Variants in DLG1 observed in about 807,000 individuals in gnomAD.
DLG1 encodes discs large MAGUK scaffold protein 1.
DLG1 carries 42 observed loss-of-function variants against 123.4 expected under a neutral mutation model. The observed-to-expected ratio is 0.34, with a 90% CI of 0.27 to 0.44. The LOEUF is 0.44. Ranked by LOEUF, DLG1 falls within the 20% of genes least tolerant of loss-of-function variation. The pLI is 1.00. For synonymous variants in DLG1, 317 were observed against 356.2 expected (o/e 0.89, Z 1.24); for missense variants, 942 against 1,082.6 (o/e 0.87, Z 1.82).
chr3:197,111,726 A>G (rs1049401377), intron 13 of DLG1, among the ~76,000 whole-genome samples: 1 of 152,366 alleles, frequency 6.6e-6, no homozygotes, highest in Admixed American at 6.5e-5. Flanking sequence ...TCTGACTTAC[A>G]GCACCACAAG....
intron 4 of DLG1, among the ~76,000 whole-genome samples, chr3:197,197,302 GTC>G (rs1415701846): frequency 1.3e-5 from 2 of 152,196 alleles, no homozygotes; most frequent in African/African-American, 4.8e-5. Context: ...TATAATACCT[GTC>G]TCTCTTTTTG....
At chr3:197,152,237 G>T (rs958653647) in intron 5 of DLG1, among the ~76,000 whole-genome samples, 1 of 152,062 alleles carries the variant, frequency 6.6e-6, no homozygotes, top group African/African-American at 2.4e-5. Flanking sequence ...GTAGAGGGAG[G>T]TATAGAGAGA....
At chr3:197,141,137 G>A (rs978863816) in intron 7 of DLG1, among the ~76,000 whole-genome samples, 1 of 152,052 alleles carries the variant, frequency 6.6e-6, no homozygotes, top group Admixed American at 6.6e-5. Flanking sequence ...TTAACTGTTA[G>A]TATTAAACAG....
At chr3:197,214,280 G>C (rs1340909763) in intron 4 of DLG1, among the ~76,000 whole-genome samples, 2 of 152,138 alleles carry the variant, frequency 1.3e-5, no homozygotes, top group East Asian at 1.9e-4. Flanking sequence ...CCTACCGTTG[G>C]AATGGTGAAG....
intron 14 of DLG1, among the ~76,000 whole-genome samples, chr3:197,102,054 G>A (rs1353683746): frequency 6.6e-6 from 1 of 152,164 alleles, no homozygotes; most frequent in Non-Finnish European, 1.5e-5. Flanking sequence ...ACCACGTCCA[G>A]CTAATTTCTG....
intron 4 of DLG1, among the ~76,000 whole-genome samples, chr3:197,258,675 GCTCT>G (rs948515456): frequency 7.6e-4 from 115 of 152,186 alleles, no homozygotes; most frequent in African/African-American, 2.7e-3. Context: ...GAATCACAAA[GCTCT>G]CTAAGACCAG....
chr3:197,079,376 G>A (rs1749415993), intron 17 of DLG1, among the ~76,000 whole-genome samples: 1 of 152,152 alleles, frequency 6.6e-6, no homozygotes, highest in African/African-American at 2.4e-5. Flanking sequence ...AGGAAAGGAG[G>A]AGAAGTAGGA....
At chr3:197,223,557 G>A (rs1208945966) in intron 4 of DLG1, among the ~76,000 whole-genome samples, 1 of 152,192 alleles carries the variant, frequency 6.6e-6, no homozygotes, top group African/African-American at 2.4e-5. Context: ...AGTTTTAAAT[G>A]TGATTTGGAA....
chr3:197,214,967 G>A (rs866425296), intron 4 of DLG1, among the ~76,000 whole-genome samples: 1 of 152,156 alleles, frequency 6.6e-6, no homozygotes, highest in Non-Finnish European at 1.5e-5. Context: ...TTTGATGAAG[G>A]TGTGGGAAAA....
rs952467888 is a variant in DLG1 at position 197,150,184 on chromosome 3, G to A, written c.484-388C>T. Among the ~76,000 whole-genome samples the A allele has an allele frequency of 4.0e-5, 6 of 151,556 alleles. No individual in the cohort carries two copies. In the South Asian group the frequency reaches 1.2e-3, roughly 31 times the overall value. On this transcript the variant is annotated intron_variant, in intron 5 of 24. Coordinates refer to ENST00000667157, the MANE Select transcript of DLG1 (RefSeq NM_001366207.1). ...AAGATTTCAATCATTTCATCACCCA[G>A]GAGAAAATTCTTCCCCACAGTGAAC...
At chr3:197,126,990 C>T (rs185437443) in intron 11 of DLG1, among the ~76,000 whole-genome samples, 15 of 152,212 alleles carry the variant, frequency 9.9e-5, no homozygotes, top group East Asian at 7.7e-4. Context: ...ATACCCAGTA[C>T]GTTTAAGATC....
chr3:197,222,151 C>T (rs1026781261), intron 4 of DLG1, among the ~76,000 whole-genome samples: 3 of 152,140 alleles, frequency 2.0e-5, no homozygotes, highest in South Asian at 4.1e-4. Context: ...ACCATGGATA[C>T]GAACAGCTGA....
At chr3:197,078,009 G>A (rs1748405639) in intron 17 of DLG1, among the ~76,000 whole-genome samples, 1 of 151,904 alleles carries the variant, frequency 6.6e-6, no homozygotes, top group Non-Finnish European at 1.5e-5. Flanking sequence ...AGCATGTGAT[G>A]CCAGGTAATT....
chr3:197,248,876 T>C (rs1303969932), intron 4 of DLG1, among the ~76,000 whole-genome samples: 5 of 152,130 alleles, frequency 3.3e-5, no homozygotes. Flanking sequence ...ACCCTTTGTT[T>C]GAAGAGAAAC....
At chr3:197,077,988 C>T (rs994287575) in intron 17 of DLG1, among the ~76,000 whole-genome samples, 3 of 151,738 alleles carry the variant, frequency 2.0e-5, no homozygotes, top group Non-Finnish European at 1.5e-5. Context: ...TTTTGGCATG[C>T]CCTTATTTTA....
Position 197,288,289 on chromosome 3 carries a change from A to G in DLG1, c.152-5444T>C, listed in dbSNP as rs370803291. On this transcript the variant is annotated intron_variant, in intron 3 of 24. Transcript: ENST00000667157. The stretch of plus-strand genomic sequence containing the variant: ...TGAGGCAGGAGAATCACTTGAACCC[A>G]GGAGGCAGAGGTAGCAGTGAGCCGA... Among the ~76,000 whole-genome samples, 156 of 143,400 alleles carry G rather than the reference A, an allele frequency of 1.1e-3. 1 individual carries two copies. Among genetic ancestry groups the G allele is most frequent in the African/African-American group, 3.4e-3 (135 of 39,316 alleles). 94.1% of individuals were successfully genotyped at this position (143,400 alleles called of 152,430 possible).
intron 13 of DLG1, 128 bp downstream of exon 13, chr3:197,115,799 G>A (rs1772963783): frequency 3.5e-6 from 3 of 867,504 alleles, no homozygotes; most frequent in East Asian, 2.8e-5. Context: ...CTACAATTAA[G>A]CTGTAAAATG....
chr3:197,066,825 A>G, intron 19 of DLG1, 71 bp from the exon 20 acceptor site: 3 of 1,023,724 alleles, frequency 2.9e-6, no homozygotes, highest in South Asian at 1.5e-5. Context: ...CTTCATAAAC[A>G]ACATATACAT....
rs1350222418 is a variant in DLG1 at position 197,148,431 on chromosome 3, AAGAG to A, written c.537+1308_537+1311del. 6.7e-5 allele frequency among the ~76,000 whole-genome samples: 10 copies of A among 149,748 alleles called. No individual in the cohort carries two copies. In the South Asian group the frequency reaches 1.1e-3, roughly 16 times the overall value. On this transcript the variant is annotated intron_variant, in intron 6 of 24. Transcript: ENST00000667157. ...CTCAAGAAAAAAAAAAAAAAAAAAA[AAGAG>A]AGAGAATACATAGAAGTGAATTTAA...
Sources: allele counts gnomAD v4.1 joint callset (sites outside exome capture counted in the v4.1 genomes callset), GRCh38; gene constraint gnomAD v4.1.1; transcripts MANE v1.5; gene names NCBI Gene and HGNC (gene_info 2026-07-23, HGNC 2026-07-21).